DISC1: variants seen among roughly 807,000 people sequenced by gnomAD.
DISC1 encodes the protein disrupted in schizophrenia 1 protein.
DISC1 carries 57 observed loss-of-function variants against 84.5 expected under a neutral mutation model. The observed-to-expected ratio is 0.67, with a 90% CI of 0.55 to 0.84. DISC1 has a LOEUF of 0.84. DISC1 is among the 40% of genes least tolerant of loss of function. The probability of loss-of-function intolerance (pLI) is 0.00; values close to 1 mark genes in which losing one functional copy is unlikely to be tolerated. For missense variants in DISC1, 1,000 were observed against 1,057.8 expected (o/e 0.95, Z 0.76); for synonymous variants, 411 against 415.2 (o/e 0.99, Z 0.12).
In DISC1 at chr1:231,954,116, A is replaced by AT. The variant is rs769336001; in HGVS notation, c.1982-4704dup. Among the ~76,000 whole-genome samples, 14 of 151,758 alleles carry AT rather than the reference A, an allele frequency of 9.2e-5. No individual in the cohort carries two copies. The highest frequency in any genetic ancestry group is 1.3e-4 in the Non-Finnish European group (9 of 67,866). On this transcript the variant is annotated intron_variant, in intron 9 of 12. Coordinates refer to ENST00000439617, the MANE Select transcript of DISC1 (RefSeq NM_018662.3). The surrounding 1 kb of genome is among the most constrained non-coding windows in gnomAD (Gnocchi z 4.8). Reference sequence around the variant, plus strand: ...AAAGCTGTTGCTGGGTAGCTTGGTTATTTTTTTTCCCATCAGACTCATAGG... The same window carrying AT: ...AAAGCTGTTGCTGGGTAGCTTGGTTATTTTTTTTTCCCATCAGACTCATAGG...
intron 3 of DISC1, among the ~76,000 whole-genome samples, chr1:231,746,919 G>C (rs898898877): frequency 3.3e-5 from 5 of 152,022 alleles, no homozygotes; most frequent in Non-Finnish European, 7.4e-5. Context: ...TTTTCACTCT[G>C]TTGATTGTTT....
chr1:231,978,731 G>A (rs113758442), intron 10 of DISC1, among the ~76,000 whole-genome samples: 4 of 152,178 alleles, frequency 2.6e-5, no homozygotes, highest in African/African-American at 9.6e-5. Flanking sequence ...AAACTTCATT[G>A]TTTTCTGATG....
intron 1 of DISC1, among the ~76,000 whole-genome samples, chr1:231,636,074 A>C (rs1342392737): frequency 6.6e-6 from 1 of 152,222 alleles, no homozygotes; most frequent in African/African-American, 2.4e-5. Flanking sequence ...CCTTTAATTT[A>C]TAATTTACCT....
rs567023339 is a variant in DISC1 at position 232,005,642 on chromosome 1, C to T, written c.2043-3143C>T. Among the ~76,000 whole-genome samples the T allele has an allele frequency of 6.6e-5, 10 of 152,220 alleles. No individual in the cohort carries two copies. The South Asian group carries it at 1.7e-3, about 25-fold the overall frequency. ...CTTCTAATATTACTTCTGCCTAATT[C>T]CTTCTTTATCCTTCCGATCTCATCA... On this transcript the variant is annotated intron_variant, in intron 10 of 12. Coordinates refer to ENST00000439617, the MANE Select transcript of DISC1 (RefSeq NM_018662.3).
intron 11 of DISC1, among the ~76,000 whole-genome samples, chr1:232,014,085 A>G (rs1668266627): frequency 6.6e-6 from 1 of 152,172 alleles, no homozygotes; most frequent in African/African-American, 2.4e-5. Context: ...TTTTTACTCA[A>G]TTTCACATAA....
chr1:231,937,871 G>T (rs540568067), intron 9 of DISC1, among the ~76,000 whole-genome samples: 5 of 149,700 alleles, frequency 3.3e-5, no homozygotes, highest in African/African-American at 9.8e-5. Flanking sequence ...TTTTTTAATT[G>T]CAAATCCCAC....
chr1:231,797,767 A>C (rs1558562109), intron 7 of DISC1, among the ~76,000 whole-genome samples: 1 of 152,182 alleles, frequency 6.6e-6, no homozygotes, highest in Admixed American at 6.5e-5. Context: ...TCGCTTTTCC[A>C]TAAAATTAAG....
At chr1:231,963,485 C>G (rs146091023) in intron 10 of DISC1, among the ~76,000 whole-genome samples, 131 of 152,172 alleles carry the variant, frequency 8.6e-4, no homozygotes, top group African/African-American at 3.1e-3. Context: ...TAGTTTGCTC[C>G]CCCACCCCTC....
rs116489613 is a variant in DISC1 at position 231,975,553 on chromosome 1, G to A, written c.2042+16665G>A. Among the ~76,000 whole-genome samples, 349 of 152,318 alleles carry A rather than the reference G, an allele frequency of 2.3e-3. 1 individual carries two copies. The highest frequency in any genetic ancestry group is 7.8e-3 in the African/African-American group (326 of 41,574). ...TCACAGCACTATTTCCAACAGCAAA[G>A]ATATGGAATCAGTGGGTGATTGGAT... On this transcript the variant is annotated intron_variant, in intron 10 of 12. Transcript: ENST00000439617.
intron 6 of DISC1, among the ~76,000 whole-genome samples, chr1:231,773,592 G>A (rs546432980): frequency 5.3e-5 from 8 of 152,236 alleles, no homozygotes; most frequent in South Asian, 2.1e-4. Context: ...CACCATGTTA[G>A]CCAGGATGGT....
Position 231,694,163 on chromosome 1 carries a change from G to A in DISC1, c.405G>A (p.Pro135=), listed in dbSNP as rs759010166. Residue 135 remains proline, a synonymous_variant, in exon 2 of 13, where the codon CCG becomes CCA. Coordinates refer to ENST00000439617, the MANE Select transcript of DISC1 (RefSeq NM_018662.3). ...GTRLPDRLSW[P]CGPGSAGWQQ... ...GATTGCCTGACAGGCTTAGCTGGCC[G>A]TGTGGCCCTGGGAGTGCTGGGTGGC... 2.8e-5 allele frequency: 45 copies of A among 1,614,088 alleles called. No homozygotes were observed. The highest frequency in any genetic ancestry group is 4.5e-5 in the East Asian group (2 of 44,894).
chr1:231,755,642 G>A (rs537903092), intron 4 of DISC1, among the ~76,000 whole-genome samples: 19 of 151,834 alleles, frequency 1.3e-4, no homozygotes, highest in South Asian at 4.2e-4. Flanking sequence ...TAAATTTACC[G>A]TTGTTCTCCC....
At chr1:231,982,909 G>A (rs1663821683) in intron 10 of DISC1, among the ~76,000 whole-genome samples, 1 of 152,018 alleles carries the variant, frequency 6.6e-6, no homozygotes, top group Non-Finnish European at 1.5e-5. Flanking sequence ...AAACAGGGAT[G>A]GTCTAATACA....
chr1:231,767,087 A>G, intron 4 of DISC1, 53 bp from the exon 5 acceptor site: 2 of 1,602,722 alleles, frequency 1.2e-6, no homozygotes, highest in Non-Finnish European at 8.5e-7. Flanking sequence ...ACTTGTCAAC[A>G]TGAGGATTTC....
chr1:231,981,759 C>G (rs977376955), intron 10 of DISC1, among the ~76,000 whole-genome samples: 1 of 152,058 alleles, frequency 6.6e-6, no homozygotes, highest in Non-Finnish European at 1.5e-5. Context: ...GAGTGAAGGC[C>G]GCAGAACAAG....
At chr1:231,831,354 G>T (rs1389518486) in intron 9 of DISC1, among the ~76,000 whole-genome samples, 2 of 152,364 alleles carry the variant, frequency 1.3e-5, no homozygotes, top group East Asian at 3.9e-4. Context: ...TGTGGAAGAG[G>T]TTATGAAATG....
intron 4 of DISC1, among the ~76,000 whole-genome samples, chr1:231,765,229 AT>A (rs2076085813): frequency 6.8e-6 from 1 of 147,570 alleles, no homozygotes; most frequent in Non-Finnish European, 1.5e-5. Flanking sequence ...ACTTTGGATA[AT>A]AATCATTTTC....
At chr1:232,015,013 A>G (rs1335068209) in intron 11 of DISC1, among the ~76,000 whole-genome samples, 1 of 152,242 alleles carries the variant, frequency 6.6e-6, no homozygotes, top group Non-Finnish European at 1.5e-5. Flanking sequence ...AGAACTGCGC[A>G]GGCTTACCAG....
chr1:231,697,852 C>T (rs2065914078), intron 2 of DISC1, among the ~76,000 whole-genome samples: 1 of 152,164 alleles, frequency 6.6e-6, no homozygotes, highest in Non-Finnish European at 1.5e-5. Context: ...TCTACCTTCT[C>T]TCTCATACTA....
Sources: gnomAD v4.1 joint callset for allele counts (sites outside exome capture counted in the v4.1 genomes callset) on GRCh38, gnomAD v4.1.1 for gene constraint, Gnocchi (gnomAD v3.1) non-coding constraint, MANE v1.5 for transcripts, NCBI Gene and HGNC (gene_info 2026-07-23, HGNC 2026-07-21) for gene names.